TEKT5: variants seen among roughly 807,000 people sequenced by gnomAD.
TEKT5 encodes the protein tektin-5.
A neutral mutation model predicts 48.7 loss-of-function variants in TEKT5; 52 were observed. The observed-to-expected ratio is 1.07, with a 90% CI of 0.86 to 1.35. The LOEUF (loss-of-function observed/expected upper bound fraction) is 1.35. TEKT5 is among the 40% of genes most tolerant of loss of function. TEKT5 has a pLI of 0.00. For missense variants in TEKT5, 831 were observed against 641.6 expected (o/e 1.30, Z -3.19); for synonymous variants, 318 against 267.6 (o/e 1.19, Z -1.84).
At chr16:10,653,558 T>A (rs1369212665) in intron 5 of TEKT5, among the ~76,000 whole-genome samples, 1 of 152,218 alleles carries the variant, frequency 6.6e-6, no homozygotes, top group East Asian at 1.9e-4. Context: ...GATTGAGCCC[T>A]TTCTAGCTGC....
chr16:10,691,783 C>T (rs533564293), intron 1 of TEKT5, among the ~76,000 whole-genome samples: 47 of 152,152 alleles, frequency 3.1e-4, no homozygotes, highest in African/African-American at 1.1e-3. Context: ...CCTATCTCTA[C>T]TAAAACTACA....
intron 5 of TEKT5, among the ~76,000 whole-genome samples, chr16:10,636,151 G>T (rs964376008): frequency 3.3e-5 from 5 of 152,126 alleles, no homozygotes; most frequent in African/African-American, 1.2e-4. Flanking sequence ...GAGATGGGTG[G>T]ATCACCTGAG....
chr16:10,688,634 G>A (rs921517367), intron 3 of TEKT5, among the ~76,000 whole-genome samples: 14 of 152,186 alleles, frequency 9.2e-5, no homozygotes, highest in African/African-American at 3.4e-4. Flanking sequence ...GGCTGCTTTC[G>A]GGGGAGCTGG....
chr16:10,668,248 G>A (rs1898492667), intron 5 of TEKT5, among the ~76,000 whole-genome samples: 1 of 152,154 alleles, frequency 6.6e-6, no homozygotes, highest in Non-Finnish European at 1.5e-5. Flanking sequence ...GAGGCCTGAT[G>A]CCTTTGTTAG....
intron 5 of TEKT5, among the ~76,000 whole-genome samples, chr16:10,669,170 G>A (rs1487552279): frequency 6.6e-6 from 1 of 152,110 alleles, no homozygotes; most frequent in Admixed American, 6.6e-5. Context: ...CAACCGAAAT[G>A]CTTATCAACA....
chr16:10,690,001 G>T lies in TEKT5; in HGVS notation c.589C>A (p.Arg197=). The change falls in exon 2 of 7, where the codon CGA becomes AGA. Residue 197 remains arginine, a synonymous_variant. Transcript: ENST00000283025. ...LQVALECLYH[R]EKRIGIDLVH... Reference sequence around the variant, plus strand: ...AAATCAATCCCAATCCTCTTCTCTCGATGGTACAGACACTCCAAGGCCACC... The same window carrying T: ...AAATCAATCCCAATCCTCTTCTCTCTATGGTACAGACACTCCAAGGCCACC... The T allele has an allele frequency of 6.2e-7, 1 of 1,614,012 alleles. No homozygotes were observed. The highest frequency in any genetic ancestry group is 1.1e-5 in the South Asian group (1 of 91,066).
intron 3 of TEKT5, among the ~76,000 whole-genome samples, chr16:10,684,871 A>G (rs1336092793): frequency 6.6e-6 from 1 of 152,202 alleles, no homozygotes; most frequent in African/African-American, 2.4e-5. Context: ...CACCTGGTGC[A>G]GCAAGGACCC....
intron 1 of TEKT5, chr16:10,692,930 T>C (rs1469393984): frequency 6.6e-6 from 1 of 152,206 alleles, no homozygotes; most frequent in Non-Finnish European, 1.5e-5. Flanking sequence ...CCCTCTGGAA[T>C]TTTCCTCATG....
At chr16:10,690,793 A>G (rs994044866) in intron 1 of TEKT5, 6 of 985,412 alleles carry the variant, frequency 6.1e-6, no homozygotes, top group East Asian at 1.1e-4. Context: ...AGCAGTGATT[A>G]GCAAACCAGC....
chr16:10,635,658 G>A, intron 6 of TEKT5, 106 bp downstream of exon 6: 1 of 1,488,524 alleles, frequency 6.7e-7, no homozygotes, highest in South Asian at 1.3e-5. Context: ...GATTGAAGGA[G>A]GGTCCATTTT....
intron 6 of TEKT5, among the ~76,000 whole-genome samples, chr16:10,634,069 G>T (rs1897878353): frequency 6.6e-6 from 1 of 152,180 alleles, no homozygotes; most frequent in Non-Finnish European, 1.5e-5. Context: ...GGAGGGAGCA[G>T]GGTCCATCGC....
intron 5 of TEKT5, among the ~76,000 whole-genome samples, chr16:10,662,600 C>T (rs1354573571): frequency 6.6e-6 from 1 of 152,208 alleles, no homozygotes; most frequent in Non-Finnish European, 1.5e-5. Context: ...GCTGTGCTGC[C>T]CATTGCTTTC....
chr16:10,637,857 C>A (rs115474422), intron 5 of TEKT5, among the ~76,000 whole-genome samples: 7,868 of 152,288 alleles, frequency 0.052, 587 homozygotes, highest in African/African-American at 0.17. Context: ...GACACTCAGG[C>A]TGGAGTGCAG....
chr16:10,673,370 T>C (rs890613417), intron 5 of TEKT5, among the ~76,000 whole-genome samples: 1 of 152,204 alleles, frequency 6.6e-6, no homozygotes, highest in African/African-American at 2.4e-5. Flanking sequence ...TTTTGCAGTA[T>C]AGAGGCAGAA....
At chr16:10,660,705 T>TGTG in intron 5 of TEKT5, among the ~76,000 whole-genome samples, 1 of 135,072 alleles carries the variant, frequency 7.4e-6, no homozygotes, top group African/African-American at 3.4e-5. Flanking sequence ...GTGTGTGTGT[T>TGTG]ATTTATTTAT....
intron 6 of TEKT5, among the ~76,000 whole-genome samples, chr16:10,630,280 G>A (rs1349168532): frequency 6.6e-6 from 1 of 151,594 alleles, no homozygotes; most frequent in African/African-American, 2.4e-5. Context: ...CTGTCACCTA[G>A]GCTGGAGTGT....
chr16:10,665,265 G>T (rs183992391), intron 5 of TEKT5, among the ~76,000 whole-genome samples: 1 of 152,148 alleles, frequency 6.6e-6, no homozygotes, highest in Non-Finnish European at 1.5e-5. Flanking sequence ...AGATGACACC[G>T]CAACCCTCTG....
intron 5 of TEKT5, among the ~76,000 whole-genome samples, chr16:10,637,568 T>C (rs575321982): frequency 1.3e-5 from 2 of 152,368 alleles, no homozygotes; most frequent in East Asian, 1.9e-4. Context: ...CTACAATTTA[T>C]GAAAGTGCAG....
intron 5 of TEKT5, among the ~76,000 whole-genome samples, chr16:10,670,498 G>T (rs931759027): frequency 6.6e-6 from 1 of 152,152 alleles, no homozygotes; most frequent in Non-Finnish European, 1.5e-5. Flanking sequence ...CAGCCTGCAC[G>T]ATAGAGTGAG....
Sources: allele counts gnomAD v4.1 joint callset (sites outside exome capture counted in the v4.1 genomes callset), GRCh38; gene constraint gnomAD v4.1.1; transcripts MANE v1.5; gene names NCBI Gene and HGNC (gene_info 2026-07-23, HGNC 2026-07-21).